Variants in SCTR observed in about 807,000 individuals in gnomAD.
The protein encoded by SCTR is pancreatic secretin receptor.
SCTR carries 56 observed loss-of-function variants against 60.8 expected under a neutral mutation model. The ratio of observed to expected loss-of-function variants is 0.92; its 90% confidence interval spans 0.74 to 1.15. SCTR has a LOEUF of 1.15. Ranked by LOEUF, SCTR falls within the 50% of genes most tolerant of loss-of-function variation. The pLI, the probability that SCTR is intolerant of heterozygous loss-of-function variation, is 0.00. For synonymous variants in SCTR, 202 were observed against 217.0 expected (o/e 0.93, Z 0.61); for missense variants, 562 against 550.4 (o/e 1.02, Z -0.21).
chr2:119,440,374 C>T (rs1682611919), intron 12 of SCTR, 117 bp from the exon 13 acceptor site: 1 of 1,188,162 alleles, frequency 8.4e-7, no homozygotes, highest in Non-Finnish European at 1.2e-6. Context: ...CTGCCCTGTC[C>T]CCTAGCCTGC....
intron 1 of SCTR, among the ~76,000 whole-genome samples, chr2:119,514,949 G>T (rs560475651): frequency 6.6e-6 from 1 of 152,070 alleles, no homozygotes; most frequent in Non-Finnish European, 1.5e-5. Context: ...ATAATTACTT[G>T]CCTAACAACC....
At chr2:119,488,794 C>G (rs531984638) in intron 2 of SCTR, among the ~76,000 whole-genome samples, 5 of 152,202 alleles carry the variant, frequency 3.3e-5, no homozygotes, top group Admixed American at 1.3e-4. Context: ...ACTTATTCTC[C>G]ACAACAGCGT....
At chr2:119,502,681 T>G (rs1476325251) in intron 1 of SCTR, among the ~76,000 whole-genome samples, 3 of 152,050 alleles carry the variant, frequency 2.0e-5, no homozygotes, top group African/African-American at 7.2e-5. Flanking sequence ...CAATTGATGA[T>G]TATCCAGTGA....
chr2:119,449,272 C>T (rs879787005), intron 9 of SCTR, among the ~76,000 whole-genome samples: 5 of 152,218 alleles, frequency 3.3e-5, no homozygotes, highest in African/African-American at 1.2e-4. Flanking sequence ...TTTTAACAAG[C>T]TCCCAGGTGA....
At chr2:119,453,482 CTGCCATCTTG>C (rs1211608864) in intron 7 of SCTR, 135 bp from the exon 8 acceptor site, 2 of 705,074 alleles carry the variant, frequency 2.8e-6, no homozygotes, top group South Asian at 1.6e-5. Flanking sequence ...AGAAACCCCT[CTGCCATCTTG>C]TGCCATCTTG....
intron 12 of SCTR, 145 bp downstream of exon 12, chr2:119,441,413 G>C (rs1682649664): frequency 1.5e-6 from 1 of 665,600 alleles, no homozygotes; most frequent in South Asian, 1.8e-5. Flanking sequence ...TAAAAGAACT[G>C]GCCAAGCCAC....
Position 119,494,451 on chromosome 2 carries a change from A to C in SCTR, c.170T>G (p.Leu57Arg). The C allele has an allele frequency of 6.2e-7, 1 of 1,613,906 alleles. No homozygotes were observed. The highest frequency in any genetic ancestry group is 8.5e-7 in the Non-Finnish European group (1 of 1,179,898). Residue 57 changes from leucine to arginine, a missense_variant, in exon 2 of 13, where the codon CTG (leucine) becomes CGG (arginine). Transcript: ENST00000019103. ...QELSREQTGD[L>R]GTEQPVPGCE... ...ACCTGGCACTGGCTGCTCCGTGCCC[A>C]GGTCTCCTGTCTGCTCTCTGGAGAG... is the stretch of plus-strand genomic sequence containing the variant.
At chr2:119,477,697 C>T (rs1184917249) in intron 3 of SCTR, among the ~76,000 whole-genome samples, 2 of 152,174 alleles carry the variant, frequency 1.3e-5, no homozygotes, top group Admixed American at 6.5e-5. Flanking sequence ...GAGATCCGCC[C>T]ACCTCGGCCT....
At chr2:119,490,191 G>T (rs1573893575) in intron 2 of SCTR, among the ~76,000 whole-genome samples, 1 of 152,364 alleles carries the variant, frequency 6.6e-6, no homozygotes, top group East Asian at 1.9e-4. Context: ...CGGAGCCAGA[G>T]GGAAAGTGCA....
intron 3 of SCTR, 100 bp downstream of exon 3, chr2:119,478,711 C>G: frequency 9.9e-7 from 1 of 1,007,504 alleles, no homozygotes; most frequent in Non-Finnish European, 1.5e-6. Flanking sequence ...CCATACTTGT[C>G]CTCAGAGAAG....
intron 11 of SCTR, 29 bp downstream of exon 11, chr2:119,446,730 A>G: frequency 6.8e-7 from 1 of 1,461,568 alleles, no homozygotes; most frequent in Non-Finnish European, 9.1e-7. Context: ...TCCTCTTTTC[A>G]GCTGGCAGCC....
intron 6 of SCTR, 82 bp downstream of exon 6, chr2:119,464,041 A>C: frequency 6.8e-7 from 1 of 1,464,386 alleles, no homozygotes; most frequent in Non-Finnish European, 9.5e-7. Flanking sequence ...GGGGAAGGAC[A>C]ACTAGGCTAC....
chr2:119,480,354 T>C (rs1677544866), intron 2 of SCTR, among the ~76,000 whole-genome samples: 1 of 152,102 alleles, frequency 6.6e-6, no homozygotes, highest in Admixed American at 6.5e-5. Flanking sequence ...GGAGGACACA[T>C]GCAGGGAAAC....
intron 1 of SCTR, among the ~76,000 whole-genome samples, chr2:119,519,122 C>G (rs1679206289): frequency 6.6e-6 from 1 of 152,136 alleles, no homozygotes; most frequent in South Asian, 2.1e-4. Context: ...CCACCACGCC[C>G]AGCTAATTTT....
intron 10 of SCTR, among the ~76,000 whole-genome samples, chr2:119,447,395 G>A (rs568226829): frequency 2.6e-5 from 4 of 152,062 alleles, no homozygotes; most frequent in South Asian, 2.1e-4. Context: ...ATTGAAAAAC[G>A]ATTTGTTGTT....
At chr2:119,462,059 G>C in intron 6 of SCTR, 59 bp from the exon 7 acceptor site, 2 of 1,537,880 alleles carry the variant, frequency 1.3e-6, no homozygotes, top group Admixed American at 3.8e-5. Context: ...CCTCTGGTGA[G>C]TGGCCCCAAA....
intron 7 of SCTR, among the ~76,000 whole-genome samples, chr2:119,461,299 G>C (rs1422421193): frequency 1.3e-5 from 2 of 152,244 alleles, no homozygotes; most frequent in Non-Finnish European, 2.9e-5. Flanking sequence ...TATTGGGTGG[G>C]AACGAACTGT....
At chr2:119,482,487 G>A (rs1395036984) in intron 2 of SCTR, among the ~76,000 whole-genome samples, 2 of 152,236 alleles carry the variant, frequency 1.3e-5, no homozygotes, top group Non-Finnish European at 2.9e-5. Flanking sequence ...GCTTTCACAG[G>A]ACAGTGGAAG....
At chr2:119,504,252 A>G (rs1678655517) in intron 1 of SCTR, among the ~76,000 whole-genome samples, 2 of 152,224 alleles carry the variant, frequency 1.3e-5, no homozygotes, top group African/African-American at 4.8e-5. Flanking sequence ...TTACACAAAA[A>G]TTAAAATGGA....
Sources: gnomAD v4.1 joint callset for allele counts (sites outside exome capture counted in the v4.1 genomes callset) on GRCh38, gnomAD v4.1.1 for gene constraint, MANE v1.5 for transcripts, NCBI Gene and HGNC (gene_info 2026-07-23, HGNC 2026-07-21) for gene names.